The following RABGAP1L variants were observed in gnomAD, a reference collection of about 807,000 sequenced individuals.
RABGAP1L encodes the protein RAB GTPase activating protein 1 like.
RABGAP1L carries 63 observed loss-of-function variants against 137.7 expected under a neutral mutation model. The observed-to-expected ratio is 0.46, with a 90% CI of 0.37 to 0.56. RABGAP1L has a LOEUF of 0.56. Ranked by LOEUF, RABGAP1L falls within the 20% of genes least tolerant of loss-of-function variation. RABGAP1L has a pLI of 0.00. For synonymous variants in RABGAP1L, 431 were observed against 433.7 expected, an observed-to-expected ratio of 0.99 and a Z score of 0.08; for missense variants, 1,095 against 1,244.0, an observed-to-expected ratio of 0.88 and a Z score of 1.80.
chr1:174,922,632 T>C (rs2149233602), intron 19 of RABGAP1L, among the ~76,000 whole-genome samples: 1 of 152,324 alleles, frequency 6.6e-6, no homozygotes, highest in South Asian at 2.1e-4. Context: ...TTTTGTGAGA[T>C]ATTCATGGTC....
At chr1:174,944,712 A>T (rs954005969) in intron 19 of RABGAP1L, among the ~76,000 whole-genome samples, 6 of 151,894 alleles carry the variant, frequency 4.0e-5, no homozygotes, top group African/African-American at 7.2e-5. Context: ...ATGACTTTTA[A>T]CCAGTTCTAC....
intron 14 of RABGAP1L, among the ~76,000 whole-genome samples, chr1:174,640,894 G>A (rs1674476987): frequency 6.7e-6 from 1 of 148,612 alleles, no homozygotes. Flanking sequence ...CTTCACATCA[G>A]CAACACAATT....
intron 1 of RABGAP1L, among the ~76,000 whole-genome samples, chr1:174,202,433 G>A (rs1480229151): frequency 6.6e-6 from 1 of 152,152 alleles, no homozygotes; most frequent in Non-Finnish European, 1.5e-5. Flanking sequence ...GTGGTTTTTG[G>A]CTGCATAAAT....
intron 19 of RABGAP1L, among the ~76,000 whole-genome samples, chr1:174,910,687 G>A (rs1659916800): frequency 6.6e-6 from 1 of 152,132 alleles, no homozygotes; most frequent in South Asian, 2.1e-4. Flanking sequence ...AAAACTGATA[G>A]AACTGATAAA....
chr1:174,597,875 T>G (rs886627307), intron 13 of RABGAP1L, among the ~76,000 whole-genome samples: 21 of 152,322 alleles, frequency 1.4e-4, no homozygotes, highest in African/African-American at 4.8e-4. Context: ...TTTAAGGAAT[T>G]TTTGAATTTC....
At chr1:174,581,460 C>T (rs552423260) in intron 13 of RABGAP1L, among the ~76,000 whole-genome samples, 99 of 152,114 alleles carry the variant, frequency 6.5e-4, no homozygotes, top group Non-Finnish European at 1.3e-3. Context: ...TATGATTCTG[C>T]ATATATGAGA....
chr1:174,377,760 T>TCTC (rs373857782), intron 12 of RABGAP1L, among the ~76,000 whole-genome samples: 6,022 of 123,118 alleles, frequency 0.049, 175 homozygotes, highest in Middle Eastern at 0.13. Flanking sequence ...ACTGCAACTC[T>TCTC]TTTTTTTTTT....
chr1:174,295,014 G>A (rs767512539), intron 10 of RABGAP1L, among the ~76,000 whole-genome samples: 21 of 152,078 alleles, frequency 1.4e-4, no homozygotes, highest in Non-Finnish European at 2.9e-4. Flanking sequence ...TGTTTCCCAG[G>A]TTCAGGTGAT....
chr1:174,448,106 C>T lies in RABGAP1L; in HGVS notation c.1710+53961C>T. The T allele has an allele frequency of 1.9e-6, 3 of 1,603,278 alleles. No individual in the cohort carries two copies. Among genetic ancestry groups the T allele is most frequent in the Non-Finnish European group, 2.6e-6 (3 of 1,173,940 alleles). ...AAGTCTGCAGGTGTCTTTAAATTTC[C>T]AAGCCATGAATGAATCCAGGTGGAC... On this transcript the variant is annotated intron_variant, in intron 13 of 25. Transcript: ENST00000681986. The surrounding 1 kb of genome is among the most constrained non-coding windows in gnomAD (Gnocchi z 4.2).
chr1:174,271,334 A>G (rs1674541869), intron 7 of RABGAP1L, among the ~76,000 whole-genome samples: 1 of 152,150 alleles, frequency 6.6e-6, no homozygotes. Context: ...AGCATTAGCC[A>G]TGATACTAGG....
chr1:174,781,161 G>A (rs1477710729), intron 18 of RABGAP1L, among the ~76,000 whole-genome samples: 1 of 152,224 alleles, frequency 6.6e-6, no homozygotes, highest in East Asian at 1.9e-4. Flanking sequence ...TTCCACAATG[G>A]TTGAACTAGT....
At chr1:174,517,147 C>T (rs1348969412) in intron 13 of RABGAP1L, among the ~76,000 whole-genome samples, 1 of 151,792 alleles carries the variant, frequency 6.6e-6, no homozygotes, top group Non-Finnish European at 1.5e-5. Context: ...TAATATTTCA[C>T]TAAGATATAA....
chr1:174,942,534 T>C (rs1361435852), intron 19 of RABGAP1L, among the ~76,000 whole-genome samples: 1 of 152,194 alleles, frequency 6.6e-6, no homozygotes, highest in Non-Finnish European at 1.5e-5. Flanking sequence ...AATCCCCACT[T>C]TACTAGCTGT....
At chr1:174,500,598 A>G (rs942389940) in intron 13 of RABGAP1L, among the ~76,000 whole-genome samples, 1 of 152,220 alleles carries the variant, frequency 6.6e-6, no homozygotes, top group Non-Finnish European at 1.5e-5. Context: ...TGTGATAAGT[A>G]TTATAGAAGT....
intron 3 of RABGAP1L, among the ~76,000 whole-genome samples, chr1:174,227,595 C>A (rs1421314595): frequency 1.3e-5 from 2 of 151,860 alleles, no homozygotes; most frequent in Non-Finnish European, 2.9e-5. Flanking sequence ...CTTGTTTTTC[C>A]CCTCCTTTCC....
chr1:174,392,653 C>T (rs764276866), intron 12 of RABGAP1L, among the ~76,000 whole-genome samples: 9 of 151,972 alleles, frequency 5.9e-5, no homozygotes, highest in Non-Finnish European at 1.3e-4. Flanking sequence ...CTGAGATAGC[C>T]CAAATATGAC....
At chr1:174,362,980 G>A (rs1684279015) in intron 11 of RABGAP1L, among the ~76,000 whole-genome samples, 1 of 152,106 alleles carries the variant, frequency 6.6e-6, no homozygotes, top group Non-Finnish European at 1.5e-5. Flanking sequence ...GTAAGGAAGG[G>A]GTCCAGTTTT....
chr1:174,247,957 A>C (rs934786842), intron 5 of RABGAP1L, among the ~76,000 whole-genome samples: 1 of 151,920 alleles, frequency 6.6e-6, no homozygotes, highest in Non-Finnish European at 1.5e-5. Flanking sequence ...CTAAATATAC[A>C]CTGAAGTTAA....
chr1:174,689,760 C>T (rs1678743613), intron 15 of RABGAP1L, among the ~76,000 whole-genome samples: 1 of 152,120 alleles, frequency 6.6e-6, no homozygotes, highest in South Asian at 2.1e-4. Flanking sequence ...GTAGGGCATT[C>T]TAATTGTCAC....
Sources: allele counts gnomAD v4.1 joint callset (sites outside exome capture counted in the v4.1 genomes callset), GRCh38; gene constraint gnomAD v4.1.1; non-coding constraint Gnocchi (gnomAD v3.1); transcripts MANE v1.5; gene names NCBI Gene and HGNC (gene_info 2026-07-23, HGNC 2026-07-21).